Variants in PDZRN4 observed in about 807,000 individuals in gnomAD.
The protein encoded by PDZRN4 is PDZ domain-containing RING finger protein 4.
PDZRN4 carries 70 observed loss-of-function variants against 99.0 expected under a neutral mutation model. That is an observed-to-expected ratio of 0.71 (90% CI 0.58 to 0.86). The LOEUF is 0.86. Among genes scored for constraint, PDZRN4 ranks in the 40% least tolerant of loss-of-function variants. The probability of loss-of-function intolerance (pLI) is 0.00; values close to 1 mark genes in which losing one functional copy is unlikely to be tolerated. For synonymous variants in PDZRN4, 551 were observed against 501.6 expected (o/e 1.10, Z -1.32); for missense variants, 1,474 against 1,331.2 (o/e 1.11, Z -1.67).
chr12:41,359,922 G>A (rs145698284), intron 3 of PDZRN4, among the ~76,000 whole-genome samples: 105 of 152,132 alleles, frequency 6.9e-4, no homozygotes, highest in Non-Finnish European at 1.3e-3. Context: ...CTAAGAAGCA[G>A]TAGTGGATCT....
chr12:41,388,601 A>C (rs1414925415), intron 3 of PDZRN4, among the ~76,000 whole-genome samples: 1 of 152,208 alleles, frequency 6.6e-6, no homozygotes. Flanking sequence ...GCAAGCATAC[A>C]TTTCAGAAAC....
chr12:41,191,398 A>G (rs1048490158), intron 1 of PDZRN4, 60 bp from the exon 2 acceptor site: 30 of 828,662 alleles, frequency 3.6e-5, no homozygotes, highest in Middle Eastern at 2.8e-4. Context: ...AACTTATTGT[A>G]GGATTTATTT....
chr12:41,287,402 A>G (rs1458785028), intron 3 of PDZRN4, among the ~76,000 whole-genome samples: 3 of 152,236 alleles, frequency 2.0e-5, no homozygotes, highest in Non-Finnish European at 4.4e-5. Context: ...GCCCTTATTA[A>G]AAGTATCAAT....
chr12:41,387,124 T>C (rs1952175938), intron 3 of PDZRN4, among the ~76,000 whole-genome samples: 1 of 151,986 alleles, frequency 6.6e-6, no homozygotes, highest in African/African-American at 2.4e-5. Flanking sequence ...ACAAATAGGA[T>C]CTAATTAAAC....
chr12:41,307,067 T>A (rs1951576057), intron 3 of PDZRN4, among the ~76,000 whole-genome samples: 1 of 152,182 alleles, frequency 6.6e-6, no homozygotes, highest in African/African-American at 2.4e-5. Flanking sequence ...ATCATGCACC[T>A]TGAAATGAGC....
At chr12:41,471,200 A>C (rs1407493532) in intron 3 of PDZRN4, among the ~76,000 whole-genome samples, 1 of 152,216 alleles carries the variant, frequency 6.6e-6, no homozygotes, top group Non-Finnish European at 1.5e-5. Context: ...CTTAAATATT[A>C]TGAAAGTATG....
At chr12:41,393,128 C>T (rs1952221495) in intron 3 of PDZRN4, among the ~76,000 whole-genome samples, 1 of 152,122 alleles carries the variant, frequency 6.6e-6, no homozygotes. Flanking sequence ...TCATTGAGTG[C>T]TGATTTCAAT....
At chr12:41,235,470 A>G (rs1951060044) in intron 3 of PDZRN4, among the ~76,000 whole-genome samples, 1 of 152,168 alleles carries the variant, frequency 6.6e-6, no homozygotes, top group Non-Finnish European at 1.5e-5. Context: ...CGAAAAACTT[A>G]GAAGGGCTAG....
chr12:41,345,937 CAAT>C (rs1015464505), intron 3 of PDZRN4, among the ~76,000 whole-genome samples: 3 of 151,792 alleles, frequency 2.0e-5, no homozygotes, highest in African/African-American at 7.3e-5. Flanking sequence ...ATATTATTAC[CAAT>C]AATAATATTA....
At chr12:41,438,150 T>A in intron 3 of PDZRN4, 1 of 1,073,548 alleles carries the variant, frequency 9.3e-7, no homozygotes, top group Non-Finnish European at 1.3e-6. Flanking sequence ...GGTTTGGGGC[T>A]TTTAATTTTG....
intron 8 of PDZRN4, among the ~76,000 whole-genome samples, chr12:41,564,405 A>G (rs1939327055): frequency 6.6e-6 from 1 of 152,220 alleles, no homozygotes; most frequent in Admixed American, 6.5e-5. Flanking sequence ...ATCTCCCATC[A>G]CAAGGCAGAA....
At chr12:41,418,789 G>C (rs1296497813) in intron 3 of PDZRN4, among the ~76,000 whole-genome samples, 4 of 152,172 alleles carry the variant, frequency 2.6e-5, no homozygotes, top group Non-Finnish European at 5.9e-5. Context: ...GCAGCCAAGG[G>C]AAAAGGGTTT....
chr12:41,340,541 A>G (rs1216189360), intron 3 of PDZRN4, among the ~76,000 whole-genome samples: 1 of 151,970 alleles, frequency 6.6e-6, no homozygotes, highest in Admixed American at 6.6e-5. Context: ...GGGTTACTAC[A>G]GTCAACATTA....
intron 3 of PDZRN4, among the ~76,000 whole-genome samples, chr12:41,363,942 A>G (rs924424829): frequency 2.6e-5 from 4 of 152,122 alleles, no homozygotes; most frequent in African/African-American, 9.6e-5. Context: ...GAAAGAGGAG[A>G]GAATAAAGAA....
chr12:41,498,877 G>C (rs1015365670), intron 3 of PDZRN4, among the ~76,000 whole-genome samples: 1 of 152,090 alleles, frequency 6.6e-6, no homozygotes, highest in Non-Finnish European at 1.5e-5. Flanking sequence ...ACTTTTGATA[G>C]TAAAGTTAAT....
At chr12:41,470,671 TC>T (rs1454847309) in intron 3 of PDZRN4, among the ~76,000 whole-genome samples, 3 of 152,104 alleles carry the variant, frequency 2.0e-5, no homozygotes, top group Non-Finnish European at 4.4e-5. Flanking sequence ...CCCACAACCG[TC>T]CCCGGTGTGT....
chr12:41,279,803 T>C (rs1233907570), intron 3 of PDZRN4, among the ~76,000 whole-genome samples: 1 of 152,202 alleles, frequency 6.6e-6, no homozygotes, highest in Non-Finnish European at 1.5e-5. Context: ...GAGACAATAA[T>C]GATTAATAAA....
chr12:41,522,664 G>A (rs187637485), intron 5 of PDZRN4, among the ~76,000 whole-genome samples: 16 of 152,204 alleles, frequency 1.1e-4, no homozygotes, highest in Admixed American at 7.2e-4. Context: ...AAAGCCATAC[G>A]TTCTCTCAGA....
chr12:41,247,097 A>G (rs1486478305), intron 3 of PDZRN4, among the ~76,000 whole-genome samples: 1 of 152,082 alleles, frequency 6.6e-6, no homozygotes. Flanking sequence ...TATAATGCTG[A>G]TGGAATCCCA....
Sources: gnomAD v4.1 joint callset for allele counts (sites outside exome capture counted in the v4.1 genomes callset) on GRCh38, gnomAD v4.1.1 for gene constraint, MANE v1.5 for transcripts, NCBI Gene and HGNC (gene_info 2026-07-23, HGNC 2026-07-21) for gene names.